LRRC7: variants seen among roughly 807,000 people sequenced by gnomAD.
LRRC7 encodes leucine-rich repeat-containing protein 7.
A neutral mutation model predicts 175.7 loss-of-function variants in LRRC7; 23 were observed. The ratio of observed to expected loss-of-function variants is 0.13; its 90% CI spans 0.09 to 0.19. The LOEUF is 0.19. Among genes scored for constraint, LRRC7 ranks in the 10% least tolerant of loss-of-function variants. The probability of loss-of-function intolerance (pLI) is 1.00; values close to 1 mark genes in which losing one functional copy is unlikely to be tolerated. For synonymous variants in LRRC7, 685 were observed against 680.9 expected (o/e 1.01, Z -0.09); for missense variants, 1,354 against 1,904.7 (o/e 0.71, Z 5.38).
intron 4 of LRRC7, among the ~76,000 whole-genome samples, chr1:69,814,971 A>G (rs1387135601): frequency 3.3e-5 from 5 of 152,220 alleles, no homozygotes; most frequent in African/African-American, 9.6e-5. Context: ...TTTTTTTATC[A>G]GTCCAACCCA....
chr1:69,899,034 C>T (rs1026650690), intron 7 of LRRC7, among the ~76,000 whole-genome samples: 1 of 152,122 alleles, frequency 6.6e-6, no homozygotes, highest in African/African-American at 2.4e-5. Flanking sequence ...TGGGATTGGG[C>T]ATTCTCTGAA....
At chr1:69,850,815 C>T (rs918433628) in intron 7 of LRRC7, among the ~76,000 whole-genome samples, 1 of 152,080 alleles carries the variant, frequency 6.6e-6, no homozygotes, top group Non-Finnish European at 1.5e-5. Flanking sequence ...ATTAAACAAT[C>T]AGCTGTTGGT....
At chr1:70,009,334 CT>C (rs1001728108) in intron 11 of LRRC7, among the ~76,000 whole-genome samples, 3 of 147,306 alleles carry the variant, frequency 2.0e-5, no homozygotes, top group Non-Finnish European at 3.0e-5. Context: ...GCTAGACTTT[CT>C]TTTTTTTCTT....
At chr1:70,030,593 G>T (rs1321820730) in intron 18 of LRRC7, among the ~76,000 whole-genome samples, 2 of 152,092 alleles carry the variant, frequency 1.3e-5, no homozygotes. Flanking sequence ...TTTATAATAT[G>T]TTTTGCACTT....
rs1204280467 is a variant in LRRC7 at position 69,568,260 on chromosome 1, A to T, written c.-380A>T. ...TCTGTGGAGCCTTCTGGGGGCGGGGAGGGAGCTGCGCCTCCGCCACCGCCG... is the reference window on the plus strand; with the variant it reads ...TCTGTGGAGCCTTCTGGGGGCGGGGTGGGAGCTGCGCCTCCGCCACCGCCG... On this transcript the variant is annotated 5_prime_UTR_variant, in exon 1 of 27. Transcript: ENST00000651989. 4.9e-6 allele frequency: 1 copy of T among 203,442 alleles called. No individual in the cohort carries two copies. The highest frequency in any genetic ancestry group is 6.4e-5 in the Admixed American group (1 of 15,572). The allele number at this position is 203,442 out of a possible 1,614,324, so 12.6% of individuals were successfully genotyped here.
At chr1:69,985,982 T>C (rs1369273545) in intron 9 of LRRC7, among the ~76,000 whole-genome samples, 1 of 152,218 alleles carries the variant, frequency 6.6e-6, no homozygotes, top group Admixed American at 6.5e-5. Flanking sequence ...TTATTCTCAG[T>C]GGTATATGCC....
intron 1 of LRRC7, among the ~76,000 whole-genome samples, chr1:69,659,203 G>A (rs1204106428): frequency 2.0e-5 from 3 of 151,952 alleles, no homozygotes; most frequent in Non-Finnish European, 4.4e-5. Flanking sequence ...AAACTTAGAT[G>A]ATGCATAATA....
intron 11 of LRRC7, among the ~76,000 whole-genome samples, chr1:69,995,539 G>A (rs1345272283): frequency 2.0e-5 from 3 of 151,154 alleles, no homozygotes; most frequent in Non-Finnish European, 2.9e-5. Flanking sequence ...ATCTCCCAAT[G>A]CTATCCCTCC....
rs1347586153 is a variant in LRRC7, at chr1:70,141,915, T to C, written c.*20028T>C. ...AATAATGCCCAGGTATGCAGGTCAATTGACCTTTTTAATAGCTTAACGAAA... is the reference window on the plus strand; with the variant it reads ...AATAATGCCCAGGTATGCAGGTCAACTGACCTTTTTAATAGCTTAACGAAA... On this transcript the variant is annotated 3_prime_UTR_variant, in exon 27 of 27. Coordinates refer to ENST00000651989, the MANE Select transcript of LRRC7 (RefSeq NM_001370785.2). 1 of 152,126 alleles carries C rather than the reference T, an allele frequency of 6.6e-6. No homozygotes were observed. The highest frequency in any genetic ancestry group is 2.4e-5 in the African/African-American group (1 of 41,438). 9.4% of individuals were successfully genotyped at this position (152,126 alleles called of 1,614,324 possible). A position where few individuals can be genotyped will look rare whatever the true frequency, so the allele number is the denominator to read the frequency against.
intron 2 of LRRC7, among the ~76,000 whole-genome samples, chr1:69,734,623 T>C (rs1217252282): frequency 1.3e-5 from 2 of 152,000 alleles, no homozygotes; most frequent in Admixed American, 6.6e-5. Flanking sequence ...TTTGCTTTTA[T>C]AAATGATTAT....
rs1346556676 is a variant in LRRC7 at position 70,130,175 on chromosome 1, T to C, written c.*8288T>C. 1 of 152,214 alleles carries C rather than the reference T, an allele frequency of 6.6e-6. No homozygotes were observed. The highest frequency in any genetic ancestry group is 1.5e-5 in the Non-Finnish European group (1 of 68,042). The allele number at this position is 152,214 out of a possible 1,614,324, so 9.4% of individuals were successfully genotyped here. A position where few individuals can be genotyped will look rare whatever the true frequency, so the allele number is the denominator to read the frequency against. ...ATCATAGCTATTTGGTGTTTGTTTT[T>C]CCTATGAACTTTAAGCTTTTTGAGA... On this transcript the variant is annotated 3_prime_UTR_variant, in exon 27 of 27. Transcript: ENST00000651989.
chr1:69,591,503 A>G (rs1646632551), intron 1 of LRRC7, among the ~76,000 whole-genome samples: 1 of 152,046 alleles, frequency 6.6e-6, no homozygotes, highest in African/African-American at 2.4e-5. Flanking sequence ...TCCTCAAATA[A>G]TCTCCCTATA....
At chr1:69,965,744 G>A (rs1651600058) in intron 8 of LRRC7, among the ~76,000 whole-genome samples, 1 of 152,042 alleles carries the variant, frequency 6.6e-6, no homozygotes, top group Admixed American at 6.6e-5. Flanking sequence ...CATCATCAAA[G>A]AAATTAACTG....
chr1:69,740,538 C>T (rs1668597491), intron 2 of LRRC7, among the ~76,000 whole-genome samples: 1 of 152,076 alleles, frequency 6.6e-6, no homozygotes, highest in Non-Finnish European at 1.5e-5. Context: ...GACTCCAGTA[C>T]AGCCAAGTGG....
At chr1:69,637,121 A>T (rs768167621) in intron 1 of LRRC7, among the ~76,000 whole-genome samples, 1 of 142,762 alleles carries the variant, frequency 7.0e-6, no homozygotes, top group African/African-American at 2.6e-5. Flanking sequence ...TCCCCCGCAC[A>T]CAGAGTTTAT....
chr1:69,889,724 T>TCAGGAGGC (rs1449402941), intron 7 of LRRC7, among the ~76,000 whole-genome samples: 4,204 of 152,262 alleles, frequency 0.028, 191 homozygotes, highest in African/African-American at 0.096. Context: ...GGAGGATCAC[T>TCAGGAGGC]TGAGCCTGGC....
At chr1:69,667,300 T>C (rs1183000886) in intron 1 of LRRC7, among the ~76,000 whole-genome samples, 1 of 148,670 alleles carries the variant, frequency 6.7e-6, no homozygotes, top group Non-Finnish European at 1.5e-5. Context: ...TGAAATGTTC[T>C]GTAAATATCT....
intron 8 of LRRC7, among the ~76,000 whole-genome samples, chr1:69,941,535 A>G (rs1054271265): frequency 6.6e-6 from 1 of 151,826 alleles, no homozygotes; most frequent in Non-Finnish European, 1.5e-5. Context: ...GTAAATCTTT[A>G]AACTATAGCT....
intron 1 of LRRC7, among the ~76,000 whole-genome samples, chr1:69,572,978 C>T (rs1341952122): frequency 1.3e-5 from 2 of 151,878 alleles, no homozygotes; most frequent in Non-Finnish European, 2.9e-5. Context: ...TGTCTATTTC[C>T]TATCTCAAAA....
Sources: gnomAD v4.1 joint callset for allele counts (sites outside exome capture counted in the v4.1 genomes callset) on GRCh38, gnomAD v4.1.1 for gene constraint, MANE v1.5 for transcripts, NCBI Gene and HGNC (gene_info 2026-07-23, HGNC 2026-07-21) for gene names.